Variants in TOX2 observed in about 807,000 individuals in gnomAD.
TOX2 encodes granulosa cell HMG box 1.
TOX2 carries 15 observed loss-of-function variants against 47.4 expected under a neutral mutation model. The ratio of observed to expected loss-of-function variants is 0.32; its 90% CI spans 0.21 to 0.49. The LOEUF (loss-of-function observed/expected upper bound fraction) is 0.49. TOX2 is among the 20% of genes least tolerant of loss of function. The pLI, the probability that TOX2 is intolerant of heterozygous loss-of-function variation, is 0.99. For synonymous variants in TOX2, 290 were observed against 296.6 expected (o/e 0.98, Z 0.23); for missense variants, 622 against 673.1 (o/e 0.92, Z 0.84).
chr20:43,985,053 G>C (rs547400369), intron 2 of TOX2, among the ~76,000 whole-genome samples: 1 of 152,162 alleles, frequency 6.6e-6, no homozygotes, highest in Non-Finnish European at 1.5e-5. Context: ...GAAGCCAGAC[G>C]TGGGGACTTT....
At position 44,068,750 on chromosome 20, in the gene TOX2, AG is replaced by A; in HGVS notation, c.*65del. The stretch of plus-strand genomic sequence containing the variant: ...ACTGCTCAGAGCCTGAAGGGCTGAC[AG>A]CAGAAAAGAGGCCCTGGCCAGAGGC... On this transcript the variant is annotated 3_prime_UTR_variant, in exon 9 of 9. Transcript: ENST00000341197. 3.1e-6 allele frequency: 5 copies of A among 1,605,964 alleles called. No homozygotes were observed. In the South Asian group the frequency reaches 5.5e-5, roughly 18 times the overall value.
At chr20:43,922,786 A>G (rs945072726) in intron 1 of TOX2, among the ~76,000 whole-genome samples, 7 of 152,166 alleles carry the variant, frequency 4.6e-5, no homozygotes, top group African/African-American at 1.4e-4. Flanking sequence ...GTTTTTCAAT[A>G]TTTAATGGCC....
chr20:44,065,798 G>A lies in TOX2; in HGVS notation c.1047G>A (p.Met349Ile). The change falls in exon 7 of 9, where the codon ATG becomes ATA. Residue 349 changes from methionine to isoleucine, a missense_variant. Met to Ile is a conservative substitution (Grantham distance 10, BLOSUM62 1). Around this residue, in one of 3 missense-constraint regions of TOX2, gnomAD observed 294 missense variants for 300.0 expected, o/e 0.98. Coordinates refer to ENST00000341197, the MANE Select transcript of TOX2 (RefSeq NM_001098797.2). ...MLPPKQPMYA[M>I]PGLASFLTPS... ...CACCCAAGCAGCCCATGTATGCCAT[G>A]CCAGGCCTGGCCTCCTTCCTGACGC... The A allele has an allele frequency of 6.2e-7, 1 of 1,613,650 alleles. No individual in the cohort carries two copies. The highest frequency in any genetic ancestry group is 1.1e-5 in the South Asian group (1 of 91,056).
intron 3 of TOX2, among the ~76,000 whole-genome samples, chr20:44,041,460 C>T (rs1176620479): frequency 6.6e-6 from 1 of 152,164 alleles, no homozygotes; most frequent in Non-Finnish European, 1.5e-5. Flanking sequence ...TTTTTAAATG[C>T]CCTAGAAAAC....
intron 2 of TOX2, among the ~76,000 whole-genome samples, chr20:43,990,612 G>A (rs1455914442): frequency 6.6e-6 from 1 of 152,184 alleles, no homozygotes. Flanking sequence ...AGTGTTTGGG[G>A]GCTACAGTGA....
At chr20:43,972,300 A>G (rs1272687403) in intron 1 of TOX2, among the ~76,000 whole-genome samples, 1 of 152,184 alleles carries the variant, frequency 6.6e-6, no homozygotes, top group Non-Finnish European at 1.5e-5. Context: ...AACTCTGCAT[A>G]CAATTCATGC....
At chr20:43,934,613 G>A (rs74480178) in intron 1 of TOX2, among the ~76,000 whole-genome samples, 1 of 152,076 alleles carries the variant, frequency 6.6e-6, no homozygotes. Flanking sequence ...GAGGGGGCTG[G>A]GAGGACACTG....
intron 2 of TOX2, among the ~76,000 whole-genome samples, chr20:43,990,170 T>G (rs1211523569): frequency 1.3e-5 from 2 of 152,216 alleles, no homozygotes; most frequent in African/African-American, 4.8e-5. Context: ...GTACATAGGA[T>G]AAGGATACCT....
Position 43,916,385 on chromosome 20 carries a change from C to T in TOX2, c.99+1395C>T, listed in dbSNP as rs1600642963. On this transcript the variant is annotated intron_variant, in intron 1 of 8. Coordinates refer to ENST00000341197, the MANE Select transcript of TOX2 (RefSeq NM_001098797.2). The surrounding 1 kb of genome is among the most constrained non-coding windows in gnomAD (Gnocchi z 5.0). ...GCGCCCTCAGGCCCCAGGGGAGCGG[C>T]TTCTGGCAAAGCCTCCCTGCAGTTC... Among the ~76,000 whole-genome samples the T allele has an allele frequency of 6.6e-6, 1 of 152,260 alleles. No individual in the cohort carries two copies. Among genetic ancestry groups the T allele is most frequent in the East Asian group, 1.9e-4 (1 of 5,194 alleles).
At chr20:44,041,062 C>A (rs1390324442) in intron 3 of TOX2, among the ~76,000 whole-genome samples, 1 of 152,094 alleles carries the variant, frequency 6.6e-6, no homozygotes, top group South Asian at 2.1e-4. Context: ...TCAGGGATTG[C>A]AAGGGAAGGG....
At chr20:44,043,543 T>A (rs1412641764) in intron 3 of TOX2, among the ~76,000 whole-genome samples, 3 of 152,230 alleles carry the variant, frequency 2.0e-5, no homozygotes, top group African/African-American at 7.2e-5. Flanking sequence ...CACTGGTTAT[T>A]GTCTTTGAGT....
chr20:44,036,069 T>G (rs1055752475), intron 3 of TOX2, among the ~76,000 whole-genome samples: 3 of 152,118 alleles, frequency 2.0e-5, no homozygotes, highest in Non-Finnish European at 4.4e-5. Flanking sequence ...GGGAAGCAGC[T>G]CCATCAGCCA....
chr20:43,937,432 G>C (rs2069340411), intron 1 of TOX2, among the ~76,000 whole-genome samples: 1 of 152,072 alleles, frequency 6.6e-6, no homozygotes, highest in Non-Finnish European at 1.5e-5. Flanking sequence ...CATTGGGAAG[G>C]GTGTTGTGGG....
intron 1 of TOX2, among the ~76,000 whole-genome samples, chr20:43,959,905 A>G: frequency 6.6e-6 from 1 of 152,092 alleles, no homozygotes; most frequent in East Asian, 1.9e-4. Context: ...ATGTTATGGG[A>G]GGTAACGGGG....
chr20:44,063,500 TTGG>T (rs1183488543), intron 5 of TOX2, among the ~76,000 whole-genome samples: 1 of 152,194 alleles, frequency 6.6e-6, no homozygotes, highest in Non-Finnish European at 1.5e-5. Context: ...TTTTACACTG[TTGG>T]TGGGAATATA....
intron 3 of TOX2, among the ~76,000 whole-genome samples, chr20:44,022,537 G>A (rs565283831): frequency 6.6e-6 from 1 of 152,294 alleles, no homozygotes; most frequent in African/African-American, 2.4e-5. Flanking sequence ...CCCAAGCATT[G>A]GTGAACTGAC....
intron 3 of TOX2, among the ~76,000 whole-genome samples, chr20:44,039,592 A>C (rs1158619186): frequency 6.6e-6 from 1 of 152,230 alleles, no homozygotes; most frequent in African/African-American, 2.4e-5. Flanking sequence ...GGGTGAACCC[A>C]GGAAGCCCTT....
intron 3 of TOX2, among the ~76,000 whole-genome samples, chr20:44,022,524 C>T (rs2070992055): frequency 6.6e-6 from 1 of 152,232 alleles, no homozygotes; most frequent in African/African-American, 2.4e-5. Context: ...GGAAGTCCAC[C>T]TTCCCAAGCA....
chr20:43,936,430 A>T (rs1476398976), intron 1 of TOX2, among the ~76,000 whole-genome samples: 1 of 152,270 alleles, frequency 6.6e-6, no homozygotes, highest in African/African-American at 2.4e-5. Flanking sequence ...CCATTTCATT[A>T]AGCTCATGAT....
Sources: allele counts gnomAD v4.1 joint callset (sites outside exome capture counted in the v4.1 genomes callset), GRCh38; gene constraint gnomAD v4.1.1; regional missense constraint gnomAD v4.1.1; non-coding constraint Gnocchi (gnomAD v3.1); transcripts MANE v1.5; gene names NCBI Gene and HGNC (gene_info 2026-07-23, HGNC 2026-07-21).